Variants in TANC2 observed in about 807,000 individuals in gnomAD.
The protein encoded by TANC2 is tetratricopeptide repeat, ankyrin repeat and coiled-coil containing 2.
A neutral mutation model predicts 210.5 loss-of-function variants in TANC2; 26 were observed. The ratio of observed to expected loss-of-function variants is 0.12; its 90% confidence interval spans 0.09 to 0.17. The LOEUF (loss-of-function observed/expected upper bound fraction) is 0.17. Ranked by LOEUF, TANC2 falls within the 10% of genes least tolerant of loss-of-function variation. TANC2 has a pLI of 1.00. For synonymous variants in TANC2, 931 were observed against 967.1 expected, an observed-to-expected ratio of 0.96 and a Z score of 0.69; for missense variants, 2,129 against 2,608.9, an observed-to-expected ratio of 0.82 and a Z score of 4.01.
At chr17:63,090,765 TC>T (rs1262148259) in intron 3 of TANC2, among the ~76,000 whole-genome samples, 3 of 152,218 alleles carry the variant, frequency 2.0e-5, no homozygotes, top group Non-Finnish European at 4.4e-5. Flanking sequence ...TACTTCTAGA[TC>T]CTTGAGGAAT....
intron 2 of TANC2, among the ~76,000 whole-genome samples, chr17:63,024,433 G>A (rs1489917952): frequency 6.6e-6 from 1 of 152,192 alleles, no homozygotes; most frequent in Non-Finnish European, 1.5e-5. Context: ...CAGTGAGGAT[G>A]CCCAGAGGTC....
chr17:63,354,333 A>T (rs2046717381), intron 13 of TANC2, among the ~76,000 whole-genome samples: 1 of 152,260 alleles, frequency 6.6e-6, no homozygotes, highest in African/African-American at 2.4e-5. Context: ...TTGTGTGGGA[A>T]ATTTTTTTTT....
chr17:63,407,227 G>A (rs2048539521), intron 21 of TANC2, among the ~76,000 whole-genome samples: 1 of 152,110 alleles, frequency 6.6e-6, no homozygotes, highest in Non-Finnish European at 1.5e-5. Context: ...CTCAAGGCTG[G>A]GTCAGAATCA....
intron 2 of TANC2, among the ~76,000 whole-genome samples, chr17:63,026,045 TGTTA>T (rs1207053186): frequency 6.6e-6 from 1 of 151,952 alleles, no homozygotes; most frequent in Non-Finnish European, 1.5e-5. Flanking sequence ...ATGCCTAGAA[TGTTA>T]GTTAGCTCCC....
chr17:63,262,022 T>C (rs1482001390), intron 8 of TANC2, among the ~76,000 whole-genome samples: 1 of 152,148 alleles, frequency 6.6e-6, no homozygotes, highest in Non-Finnish European at 1.5e-5. Flanking sequence ...AAAAACTAAA[T>C]TGGAAACTTA....
chr17:63,166,635 T>C (rs781438989), intron 5 of TANC2, among the ~76,000 whole-genome samples: 5 of 152,176 alleles, frequency 3.3e-5, no homozygotes, highest in Non-Finnish European at 5.9e-5. Context: ...AGAACAGTAA[T>C]GTTGAGAATA....
At chr17:63,314,758 T>G (rs2045260352) in intron 10 of TANC2, 89 bp downstream of exon 10, 1 of 1,490,220 alleles carries the variant, frequency 6.7e-7, no homozygotes, top group Non-Finnish European at 9.0e-7. Flanking sequence ...CCTTTTATTT[T>G]CTCATCTGCA....
intron 1 of TANC2, among the ~76,000 whole-genome samples, chr17:62,988,085 T>G (rs1447647597): frequency 6.6e-6 from 1 of 152,202 alleles, no homozygotes; most frequent in African/African-American, 2.4e-5. Flanking sequence ...GACAGATATC[T>G]GGGAAATCAG....
intron 3 of TANC2, among the ~76,000 whole-genome samples, chr17:63,092,205 G>A (rs2037223456): frequency 6.6e-6 from 1 of 152,092 alleles, no homozygotes; most frequent in African/African-American, 2.4e-5. Context: ...GTGTGTGGGA[G>A]GAGGGACATA....
chr17:63,239,219 G>A (rs919489119), intron 8 of TANC2, among the ~76,000 whole-genome samples: 1 of 151,896 alleles, frequency 6.6e-6, no homozygotes, highest in Non-Finnish European at 1.5e-5. Flanking sequence ...TCATTCCTTA[G>A]CACCTACTCT....
chr17:63,061,513 C>G (rs2035995276), intron 2 of TANC2, among the ~76,000 whole-genome samples: 2 of 152,100 alleles, frequency 1.3e-5, no homozygotes, highest in Non-Finnish European at 1.5e-5. Flanking sequence ...ATACAGGGTA[C>G]TCTTGAAATA....
chr17:63,134,879 G>A (rs1232036093), intron 4 of TANC2, among the ~76,000 whole-genome samples: 4 of 152,094 alleles, frequency 2.6e-5, no homozygotes, highest in African/African-American at 7.2e-5. Flanking sequence ...GAAAGATGCT[G>A]GAAAAGATTT....
chr17:63,069,830 T>A (rs1180395651), intron 2 of TANC2, among the ~76,000 whole-genome samples: 1 of 152,194 alleles, frequency 6.6e-6, no homozygotes, highest in Non-Finnish European at 1.5e-5. Flanking sequence ...GAAAACTTCT[T>A]ATAAATAATT....
chr17:63,048,481 A>G (rs1366408529), intron 2 of TANC2, among the ~76,000 whole-genome samples: 1 of 152,174 alleles, frequency 6.6e-6, no homozygotes, highest in South Asian at 2.1e-4. Flanking sequence ...ATTTTTGTAT[A>G]TGGTGTAAGG....
intron 14 of TANC2, among the ~76,000 whole-genome samples, chr17:63,372,009 C>T (rs1031594112): frequency 2.6e-5 from 4 of 152,134 alleles, no homozygotes; most frequent in Admixed American, 6.5e-5. Context: ...CCTTCTCTGA[C>T]TTTTGTCAAA....
intron 1 of TANC2, chr17:62,967,118 A>G (rs1308037153): frequency 6.6e-6 from 1 of 152,228 alleles, no homozygotes; most frequent in Middle Eastern, 3.2e-3. Flanking sequence ...TAGTTGCGAA[A>G]TGTGCCAGGT....
At chr17:63,046,703 T>C (rs1323885363) in intron 2 of TANC2, among the ~76,000 whole-genome samples, 1 of 152,108 alleles carries the variant, frequency 6.6e-6, no homozygotes, top group Non-Finnish European at 1.5e-5. Context: ...ATAGTACAGA[T>C]TAAGTACCCA....
At chr17:63,059,178 T>C (rs2144508985) in intron 2 of TANC2, among the ~76,000 whole-genome samples, 1 of 152,338 alleles carries the variant, frequency 6.6e-6, no homozygotes, top group East Asian at 1.9e-4. Flanking sequence ...ATTGGACCTG[T>C]AGAATTTCCT....
At chr17:63,166,010 G>C (rs931478163) in intron 5 of TANC2, among the ~76,000 whole-genome samples, 12 of 152,184 alleles carry the variant, frequency 7.9e-5, no homozygotes, top group Admixed American at 7.9e-4. Context: ...AAGCCAAATA[G>C]TCATCATCAT....
Sources: allele counts gnomAD v4.1 joint callset (sites outside exome capture counted in the v4.1 genomes callset), GRCh38; gene constraint gnomAD v4.1.1; transcripts MANE v1.5; gene names NCBI Gene and HGNC (gene_info 2026-07-23, HGNC 2026-07-21).